The following IL10RB variants were observed in gnomAD, a reference collection of about 807,000 sequenced individuals.
IL10RB encodes the protein interleukin-10 receptor subunit beta.
IL10RB carries 30 observed loss-of-function variants against 38.7 expected under a neutral mutation model. That is an observed-to-expected ratio of 0.78 (90% CI 0.58 to 1.05). The LOEUF is 1.05. IL10RB is among the 50% of genes least tolerant of loss of function. IL10RB has a pLI of 0.00. For missense variants in IL10RB, 328 were observed against 397.1 expected (o/e 0.83, Z 1.48); for synonymous variants, 142 against 145.9 (o/e 0.97, Z 0.19).
At chr21:33,282,243 C>A (rs939043975) in intron 4 of IL10RB, among the ~76,000 whole-genome samples, 2 of 152,144 alleles carry the variant, frequency 1.3e-5, no homozygotes, top group African/African-American at 4.8e-5. Context: ...AAAGAACTAA[C>A]CAATTGCGAC....
intron 3 of IL10RB, 144 bp downstream of exon 3, chr21:33,276,897 G>C (rs1989181894): frequency 2.9e-6 from 2 of 678,320 alleles, no homozygotes; most frequent in African/African-American, 1.8e-5. Flanking sequence ...ATAATAAAGA[G>C]AGTTGTATCC....
chr21:33,277,959 C>T (rs1989206764), intron 3 of IL10RB, among the ~76,000 whole-genome samples: 1 of 149,314 alleles, frequency 6.7e-6, no homozygotes, highest in South Asian at 2.1e-4. Context: ...AGACATGAAC[C>T]ACCACACTTG....
intron 1 of IL10RB, among the ~76,000 whole-genome samples, chr21:33,308,000 A>G (rs1171301981): frequency 1.3e-5 from 2 of 152,234 alleles, no homozygotes; most frequent in Non-Finnish European, 2.9e-5. Context: ...GAGTGAATGA[A>G]TGAATGCTCA....
chr21:33,275,463 T>C (rs1989154437), intron 2 of IL10RB, among the ~76,000 whole-genome samples: 1 of 152,174 alleles, frequency 6.6e-6, no homozygotes, highest in Non-Finnish European at 1.5e-5. Flanking sequence ...GCCCCAACTT[T>C]TCTTCTGCAG....
At position 33,266,414 on chromosome 21, in the gene IL10RB, C is replaced by T; in HGVS notation, c.-52C>T. On this transcript the variant is annotated 5_prime_UTR_variant, in exon 1 of 7. Transcript: ENST00000290200. ...CGCCGCGGACAAGCTCTCCCGGGCG[C>T]GGGCGGGGGTCGTGTGCTTGGAGGA... The T allele has an allele frequency of 4.6e-6, 7 of 1,527,964 alleles. No individual in the cohort carries two copies. The highest frequency in any genetic ancestry group is 6.1e-6 in the Non-Finnish European group (7 of 1,139,884). 94.7% of individuals were successfully genotyped at this position (1,527,964 alleles called of 1,614,324 possible).
At chr21:33,277,316 T>C (rs1424651440) in intron 3 of IL10RB, among the ~76,000 whole-genome samples, 2 of 143,924 alleles carry the variant, frequency 1.4e-5, no homozygotes, top group Non-Finnish European at 3.1e-5. Flanking sequence ...GCCTGGGCAA[T>C]AGAGTGAGAC....
At chr21:33,276,098 T>C (rs922211280) in intron 2 of IL10RB, among the ~76,000 whole-genome samples, 3 of 152,174 alleles carry the variant, frequency 2.0e-5, no homozygotes, top group Non-Finnish European at 4.4e-5. Flanking sequence ...ATTTGTAAAA[T>C]GCAATATCTG....
chr21:33,281,416 T>C (rs1391634398), intron 4 of IL10RB, among the ~76,000 whole-genome samples: 1 of 152,190 alleles, frequency 6.6e-6, no homozygotes, highest in Admixed American at 6.5e-5. Flanking sequence ...ACTTACTGTT[T>C]AGCTTCTTTT....
intron 5 of IL10RB, 70 bp downstream of exon 5, chr21:33,283,311 G>T (rs1989313730): frequency 4.1e-6 from 6 of 1,453,910 alleles, no homozygotes; most frequent in African/African-American, 2.8e-5. Flanking sequence ...AGACATGATT[G>T]CATCCAACTC....
At chr21:33,293,879 AG>A (rs1989537796) in intron 6 of IL10RB, 2 of 411,036 alleles carry the variant, frequency 4.9e-6, no homozygotes, top group Non-Finnish European at 9.9e-6. Flanking sequence ...GCTTTTGAGA[AG>A]CCACAGCTGC....
At chr21:33,288,758 G>A (rs1267721541) in intron 6 of IL10RB, among the ~76,000 whole-genome samples, 1 of 152,166 alleles carries the variant, frequency 6.6e-6, no homozygotes, top group African/African-American at 2.4e-5. Context: ...AAGGCTATTT[G>A]TAAAAGGGTT....
chr21:33,276,814 A>G (rs1467158361), intron 3 of IL10RB, 61 bp downstream of exon 3: 1 of 1,471,102 alleles, frequency 6.8e-7, no homozygotes. Flanking sequence ...TTTTTTCCAC[A>G]TTGGTTGGTC....
At chr21:33,280,914 TGTCTTA>T (rs1989268804) in intron 4 of IL10RB, among the ~76,000 whole-genome samples, 1 of 152,234 alleles carries the variant, frequency 6.6e-6, no homozygotes, top group African/African-American at 2.4e-5. Context: ...AATGATGCAG[TGTCTTA>T]GTCCTTTCCT....
At chr21:33,286,538 T>C (rs1201060213) in intron 5 of IL10RB, among the ~76,000 whole-genome samples, 1 of 151,924 alleles carries the variant, frequency 6.6e-6, no homozygotes, top group East Asian at 1.9e-4. Context: ...GTCAAAACAT[T>C]TTATTCAGTA....
chr21:33,288,379 G>GCA (rs1233268647), intron 6 of IL10RB, 118 bp downstream of exon 6: 87 of 651,800 alleles, frequency 1.3e-4, no homozygotes, highest in African/African-American at 4.5e-4. Context: ...ACACGCGCGC[G>GCA]CGCACACACA....
At chr21:33,275,491 G>C (rs937113854) in intron 2 of IL10RB, among the ~76,000 whole-genome samples, 1 of 152,114 alleles carries the variant, frequency 6.6e-6, no homozygotes, top group Non-Finnish European at 1.5e-5. Context: ...ACCTCTTTAA[G>C]CCTTCACAGA....
chr21:33,291,210 C>T (rs1989480440), intron 6 of IL10RB, among the ~76,000 whole-genome samples: 1 of 152,158 alleles, frequency 6.6e-6, no homozygotes, highest in Non-Finnish European at 1.5e-5. Flanking sequence ...ATCCCCTCTG[C>T]AGCAACCCTA....
rs558095353 is a variant in IL10RB at position 33,306,454 on chromosome 21, T to C, written c.130-2522T>C. Among the ~76,000 whole-genome samples the C allele has an allele frequency of 8.5e-5, 13 of 152,348 alleles. No individual in the cohort carries two copies. In the East Asian group the frequency reaches 2.5e-3, roughly 29 times the overall value. On this transcript the variant is annotated intron_variant, in intron 1 of 1. Transcript: ENST00000609556. The stretch of plus-strand genomic sequence containing the variant: ...TTTTAGTTTGAAAGAGTTTAATTGA[T>C]TAAATTTTTAATCATTGTTTAAATA...
At chr21:33,298,997 G>A (rs372880756), downstream of IL10RB, among the ~76,000 whole-genome samples, 3 of 152,192 alleles carry the variant, frequency 2.0e-5, no homozygotes, top group East Asian at 3.8e-4. Flanking sequence ...TGTGGGCTAT[G>A]TAAATGGCAC....
Sources: allele counts gnomAD v4.1 joint callset (sites outside exome capture counted in the v4.1 genomes callset), GRCh38; gene constraint gnomAD v4.1.1; transcripts MANE v1.5; gene names NCBI Gene and HGNC (gene_info 2026-07-23, HGNC 2026-07-21).